The following CTBP2 variants were observed in gnomAD, a reference collection of about 807,000 sequenced individuals.
CTBP2 encodes the protein C-terminal-binding protein 2.
In CTBP2, 30 loss-of-function variants were observed where a neutral mutation model predicts 80.3. The observed-to-expected ratio is 0.37, with a 90% CI of 0.28 to 0.51. The LOEUF (loss-of-function observed/expected upper bound fraction) is 0.51, where lower values mean the gene tolerates loss of function less well. CTBP2 is among the 20% of genes least tolerant of loss of function. The probability of loss-of-function intolerance (pLI) is 0.93; values close to 1 mark genes in which losing one functional copy is unlikely to be tolerated. For missense variants in CTBP2, 1,212 were observed against 1,375.3 expected (o/e 0.88, Z 1.88); for synonymous variants, 594 against 587.4 (o/e 1.01, Z -0.16).
chr10:125,045,880 A>C (rs1315725404), intron 2 of CTBP2, among the ~76,000 whole-genome samples: 2 of 152,064 alleles, frequency 1.3e-5, no homozygotes, highest in Non-Finnish European at 2.9e-5. Flanking sequence ...GGGAGCACCC[A>C]GCAGCCCAAC....
chr10:125,046,544 A>T (rs1339378278), intron 2 of CTBP2, among the ~76,000 whole-genome samples: 1 of 151,836 alleles, frequency 6.6e-6, no homozygotes, highest in Non-Finnish European at 1.5e-5. Flanking sequence ...TCTCAAAAAA[A>T]AAAAAAAAAA....
At chr10:125,007,133 T>C (rs1307972520) in intron 1 of CTBP2, among the ~76,000 whole-genome samples, 1 of 152,242 alleles carries the variant, frequency 6.6e-6, no homozygotes, top group Non-Finnish European at 1.5e-5. Context: ...GCCTTGTCCA[T>C]TTCAGGACAA....
At chr10:125,051,471 C>G (rs932415878) in intron 2 of CTBP2, among the ~76,000 whole-genome samples, 5 of 152,166 alleles carry the variant, frequency 3.3e-5, no homozygotes, top group African/African-American at 1.2e-4. Context: ...AAAACCCCAT[C>G]TCTACTAAAA....
chr10:125,074,136 C>T (rs764413671), intron 2 of CTBP2, among the ~76,000 whole-genome samples: 12 of 152,226 alleles, frequency 7.9e-5, no homozygotes, highest in Admixed American at 2.0e-4. Context: ...GCAGCATTCC[C>T]CCTCTCTGAA....
intron 1 of CTBP2, among the ~76,000 whole-genome samples, chr10:125,151,955 C>G (rs1205861014): frequency 1.3e-5 from 2 of 152,170 alleles, no homozygotes; most frequent in Admixed American, 1.3e-4. Flanking sequence ...CACCTCTCAA[C>G]GACTTCCCCG....
At chr10:125,156,879 C>G (rs1861012794) in intron 1 of CTBP2, among the ~76,000 whole-genome samples, 1 of 152,158 alleles carries the variant, frequency 6.6e-6, no homozygotes, top group Non-Finnish European at 1.5e-5. Flanking sequence ...GAAAGGGTAA[C>G]TGACAAACTA....
At chr10:125,080,296 A>C (rs182080830) in intron 2 of CTBP2, among the ~76,000 whole-genome samples, 4 of 151,470 alleles carry the variant, frequency 2.6e-5, no homozygotes, top group South Asian at 2.1e-4. Flanking sequence ...TAAAAAAAAA[A>C]CACACACCCA....
chr10:124,993,916 C>T lies in CTBP2; in HGVS notation c.2470G>A (p.Ala824Thr), dbSNP rs773594829. Residue 824 changes from alanine (A) to threonine (T), a missense_variant, in exon 6 of 9, where the codon GCC becomes ACC. Around this residue, in one of 3 missense-constraint regions of CTBP2, gnomAD observed 335 missense variants for 504.7 expected, o/e 0.66. Transcript: ENST00000309035. ...CCTCGTATCCTGCCCTCCTTGAGGG[C>T]TTGTGCTAAGGCTTTCTCGTCCACC... is the stretch of plus-strand genomic sequence containing the variant. 2 of 1,614,190 alleles carry T rather than the reference C, an allele frequency of 1.2e-6. No individual in the cohort carries two copies. Among genetic ancestry groups the T allele is most frequent in the Admixed American group, 3.3e-5 (2 of 60,034 alleles).
chr10:125,098,015 G>T (rs1028324415), intron 2 of CTBP2, among the ~76,000 whole-genome samples: 12 of 152,132 alleles, frequency 7.9e-5, no homozygotes, highest in Admixed American at 6.5e-4. Context: ...CAGCTACTAG[G>T]GAGGCTGAGG....
At chr10:125,045,184 C>T (rs1960916228) in intron 2 of CTBP2, among the ~76,000 whole-genome samples, 1 of 152,044 alleles carries the variant, frequency 6.6e-6, no homozygotes, top group Non-Finnish European at 1.5e-5. Context: ...CTGCCCCACG[C>T]GAGGATACAG....
intron 1 of CTBP2, chr10:125,006,138 T>C: frequency 1.9e-6 from 1 of 539,900 alleles, no homozygotes; most frequent in Non-Finnish European, 2.7e-6. Context: ...ACCCACCCTC[T>C]ACCCTCCCTG....
chr10:125,049,143 A>G (rs991217293), intron 2 of CTBP2, among the ~76,000 whole-genome samples: 2 of 150,840 alleles, frequency 1.3e-5, no homozygotes, highest in African/African-American at 2.4e-5. Context: ...ACCAAGTTCT[A>G]AGATGCTGGC....
chr10:125,030,079 T>C (rs1293297352), upstream of CTBP2, among the ~76,000 whole-genome samples: 3 of 152,018 alleles, frequency 2.0e-5, no homozygotes, highest in Admixed American at 6.6e-5. Context: ...TGACAGATGT[T>C]TTCCTGCGCT....
chr10:125,150,948 C>A (rs189765560), intron 1 of CTBP2, among the ~76,000 whole-genome samples: 19 of 150,528 alleles, frequency 1.3e-4, no homozygotes, highest in African/African-American at 4.4e-4. Flanking sequence ...GCCTTGAGAT[C>A]GGCTCTCCAG....
chr10:125,023,650 C>T (rs118071783), intron 1 of CTBP2, among the ~76,000 whole-genome samples: 2,017 of 152,286 alleles, frequency 0.013, 23 homozygotes, highest in Admixed American at 0.022. Context: ...CCGCAGCATA[C>T]GCCTTCCTCA....
intron 2 of CTBP2, among the ~76,000 whole-genome samples, chr10:125,079,030 C>A (rs1474131698): frequency 6.6e-6 from 1 of 151,036 alleles, no homozygotes. Context: ...GCCTGTAATG[C>A]CAGCTACTCG....
At chr10:125,106,857 C>T (rs1003446523) in intron 2 of CTBP2, among the ~76,000 whole-genome samples, 1 of 152,250 alleles carries the variant, frequency 6.6e-6, no homozygotes, top group African/African-American at 2.4e-5. Context: ...ACAACAGTAA[C>T]AGCAGAAAGC....
rs1951992581 is a variant in CTBP2 at position 124,984,636 on chromosome 10, G to A, written c.*4882C>T. On this transcript the variant is annotated 3_prime_UTR_variant, in exon 9 of 9. Coordinates refer to ENST00000309035, the MANE Select transcript of CTBP2 (RefSeq NM_022802.3). The stretch of plus-strand genomic sequence containing the variant: ...GACTTTAATCACAAAACTTCCAAGA[G>A]GTCAAAACCATGTGAAAAGTTGATT... 4 of 813,046 alleles carry A rather than the reference G, an allele frequency of 4.9e-6. No individual in the cohort carries two copies. The highest frequency in any genetic ancestry group is 7.6e-6 in the Non-Finnish European group (4 of 526,266). The allele number at this position is 813,046 out of a possible 1,614,324, so 50.4% of individuals were successfully genotyped here. A position where few individuals can be genotyped will look rare whatever the true frequency, so the allele number is the denominator to read the frequency against.
chr10:125,063,306 A>C (rs553958972), intron 2 of CTBP2, among the ~76,000 whole-genome samples: 4 of 152,192 alleles, frequency 2.6e-5, no homozygotes, highest in Non-Finnish European at 5.9e-5. Flanking sequence ...ATCATACTTA[A>C]GAAATACGGA....
Sources: gnomAD v4.1 joint callset for allele counts (sites outside exome capture counted in the v4.1 genomes callset) on GRCh38, gnomAD v4.1.1 for gene constraint, gnomAD v4.1.1 regional missense constraint, MANE v1.5 for transcripts, NCBI Gene and HGNC (gene_info 2026-07-23, HGNC 2026-07-21) for gene names.